LYPD6: variants seen among roughly 807,000 people sequenced by gnomAD.
LYPD6 encodes the protein ly6/PLAUR domain-containing protein 6.
In LYPD6, 15 loss-of-function variants were observed where a neutral mutation model predicts 22.7. That is an observed-to-expected ratio of 0.66 (90% CI 0.44 to 1.02). The LOEUF (loss-of-function observed/expected upper bound fraction) is 1.02, where lower values mean the gene tolerates loss of function less well. Among genes scored for constraint, LYPD6 ranks in the 50% least tolerant of loss-of-function variants. The pLI is 0.00. For missense variants in LYPD6, 189 were observed against 208.4 expected, an observed-to-expected ratio of 0.91 and a Z score of 0.57; for synonymous variants, 72 against 77.5, an observed-to-expected ratio of 0.93 and a Z score of 0.37.
chr2:149,358,472 G>C (rs1226015028), intron 1 of LYPD6, among the ~76,000 whole-genome samples: 2 of 152,152 alleles, frequency 1.3e-5, no homozygotes, highest in African/African-American at 4.8e-5. Context: ...TGCTAACTGG[G>C]TGTGCCCAGA....
intron 1 of LYPD6, among the ~76,000 whole-genome samples, chr2:149,406,612 G>C (rs1271977725): frequency 6.6e-6 from 1 of 152,004 alleles, no homozygotes; most frequent in Non-Finnish European, 1.5e-5. Flanking sequence ...CTTTTATTTT[G>C]AGCCTATGTG....
chr2:149,476,775 G>T (rs185124015), downstream of LYPD6, among the ~76,000 whole-genome samples: 1 of 152,146 alleles, frequency 6.6e-6, no homozygotes, highest in African/African-American at 2.4e-5. Flanking sequence ...ATTTGCACCC[G>T]GAGTCTGAGC....
chr2:149,381,374 A>T (rs1164804462), intron 1 of LYPD6, among the ~76,000 whole-genome samples: 1 of 152,104 alleles, frequency 6.6e-6, no homozygotes, highest in Admixed American at 6.6e-5. Context: ...GTAGGGAGGA[A>T]GAGATGGGGT....
At chr2:149,457,643 A>G (rs1680992152) in intron 3 of LYPD6, among the ~76,000 whole-genome samples, 1 of 152,188 alleles carries the variant, frequency 6.6e-6, no homozygotes, top group Non-Finnish European at 1.5e-5. Context: ...TAAATGTCCT[A>G]CAATTCACAG....
At chr2:149,462,674 G>A (rs1034169268) in intron 3 of LYPD6, among the ~76,000 whole-genome samples, 2 of 151,948 alleles carry the variant, frequency 1.3e-5, no homozygotes, top group African/African-American at 4.8e-5. Flanking sequence ...TTAATATACA[G>A]CTGTAGTAAT....
At chr2:149,436,592 T>C (rs1683436076) in intron 1 of LYPD6, among the ~76,000 whole-genome samples, 1 of 152,196 alleles carries the variant, frequency 6.6e-6, no homozygotes, top group Non-Finnish European at 1.5e-5. Flanking sequence ...TGGTTTTTTT[T>C]TTCTGAGATG....
At chr2:149,406,737 A>C (rs1277454553) in intron 1 of LYPD6, among the ~76,000 whole-genome samples, 5 of 151,578 alleles carry the variant, frequency 3.3e-5, no homozygotes, top group African/African-American at 1.2e-4. Flanking sequence ...TTTACATTTA[A>C]AGTTAATATT....
rs1005822421 is a variant in LYPD6 at position 149,463,698 on chromosome 2, A to G, written c.218-4947A>G. On this transcript the variant is annotated intron_variant, in intron 3 of 4. Coordinates refer to ENST00000334166, the MANE Select transcript of LYPD6 (RefSeq NM_194317.5). ...ACATCTATGCCGTGGAATACTACTC[A>G]GCAATAAAAGTTAACAAACTCTTAA... Among the ~76,000 whole-genome samples the G allele has an allele frequency of 2.0e-5, 3 of 152,244 alleles. 1 individual carries two copies. The South Asian group carries it at 6.2e-4, about 31-fold the overall frequency.
At chr2:149,376,474 G>A (rs1467187054) in intron 1 of LYPD6, among the ~76,000 whole-genome samples, 1 of 152,078 alleles carries the variant, frequency 6.6e-6, no homozygotes, top group Non-Finnish European at 1.5e-5. Context: ...GGATGTTCTA[G>A]AGGAGGGGAT....
chr2:149,333,651 G>C (rs1444206963), intron 1 of LYPD6, among the ~76,000 whole-genome samples: 2 of 152,202 alleles, frequency 1.3e-5, no homozygotes, highest in African/African-American at 2.4e-5. Flanking sequence ...CTAGATGCTA[G>C]GGATACATGT....
chr2:149,454,069 G>C (rs769691547), intron 3 of LYPD6, among the ~76,000 whole-genome samples: 1 of 152,090 alleles, frequency 6.6e-6, no homozygotes, highest in Non-Finnish European at 1.5e-5. Flanking sequence ...AACACTTCTG[G>C]CTGCTATGTA....
At chr2:149,402,620 C>T (rs1004136473) in intron 1 of LYPD6, among the ~76,000 whole-genome samples, 18 of 152,086 alleles carry the variant, frequency 1.2e-4, no homozygotes, top group African/African-American at 4.3e-4. Flanking sequence ...ATTTGCATTT[C>T]CCTGATGACT....
chr2:149,466,796 G>T (rs866333747), intron 3 of LYPD6, among the ~76,000 whole-genome samples: 1 of 151,898 alleles, frequency 6.6e-6, no homozygotes, highest in Admixed American at 6.6e-5. Flanking sequence ...TTATCTGCTC[G>T]GATTTACATT....
intron 3 of LYPD6, among the ~76,000 whole-genome samples, chr2:149,467,086 A>G (rs1681217494): frequency 6.6e-6 from 1 of 152,230 alleles, no homozygotes; most frequent in Non-Finnish European, 1.5e-5. Flanking sequence ...CTTCTTCAAC[A>G]GAAAAGCAAT....
chr2:149,346,724 G>A (rs776443982), intron 1 of LYPD6, among the ~76,000 whole-genome samples: 3 of 151,932 alleles, frequency 2.0e-5, no homozygotes, highest in Non-Finnish European at 4.4e-5. Flanking sequence ...TTTTTGAGAC[G>A]GAGTCTTGCT....
intron 1 of LYPD6, among the ~76,000 whole-genome samples, chr2:149,343,493 CAGCCTTAGAAGATCACTGTTAAA>C (rs532930209): frequency 1.3e-5 from 2 of 152,290 alleles, no homozygotes; most frequent in South Asian, 4.1e-4. Flanking sequence ...GTCATTGATT[CAGCCTTAGAAGATCACTGTTAAA>C]AGCCTTCCCT....
At chr2:149,359,897 T>C (rs1484936172) in intron 1 of LYPD6, among the ~76,000 whole-genome samples, 3 of 152,120 alleles carry the variant, frequency 2.0e-5, no homozygotes, top group Admixed American at 1.3e-4. Flanking sequence ...TGAAAGTAAG[T>C]TTATTAAGGA....
intron 1 of LYPD6, among the ~76,000 whole-genome samples, chr2:149,395,765 G>T (rs1682415633): frequency 6.6e-6 from 1 of 152,136 alleles, no homozygotes; most frequent in African/African-American, 2.4e-5. Context: ...GATTTTTGAT[G>T]AATCCATATT....
intron 1 of LYPD6, among the ~76,000 whole-genome samples, chr2:149,424,137 A>AAC (rs1350675062): frequency 1.3e-5 from 2 of 152,008 alleles, no homozygotes; most frequent in Admixed American, 6.5e-5. Flanking sequence ...ATATGCACAC[A>AAC]ACACACACAC....
Sources: gnomAD v4.1 joint callset for allele counts (sites outside exome capture counted in the v4.1 genomes callset) on GRCh38, gnomAD v4.1.1 for gene constraint, MANE v1.5 for transcripts, NCBI Gene and HGNC (gene_info 2026-07-23, HGNC 2026-07-21) for gene names.